Variants in FAM13A observed in about 807,000 individuals in gnomAD.
FAM13A encodes protein FAM13A.
Under a neutral mutation model 129.6 loss-of-function variants are expected in FAM13A, and 76 were observed. The observed-to-expected ratio is 0.59, with a 90% CI of 0.49 to 0.71. The LOEUF (loss-of-function observed/expected upper bound fraction) is 0.71, where lower values mean the gene tolerates loss of function less well. Ranked by LOEUF, FAM13A falls within the 30% of genes least tolerant of loss-of-function variation. The pLI, the probability that FAM13A is intolerant of heterozygous loss-of-function variation, is 0.00. For missense variants in FAM13A, 1,108 were observed against 1,249.3 expected (o/e 0.89, Z 1.70); for synonymous variants, 443 against 449.9 (o/e 0.98, Z 0.20).
chr4:88,840,271 A>G (rs1735596519), intron 7 of FAM13A, among the ~76,000 whole-genome samples: 1 of 152,226 alleles, frequency 6.6e-6, no homozygotes, highest in African/African-American at 2.4e-5. Context: ...TCTTAACAAG[A>G]ACACATTAAG....
chr4:88,874,774 G>A (rs1742081367), intron 6 of FAM13A, among the ~76,000 whole-genome samples: 1 of 152,124 alleles, frequency 6.6e-6, no homozygotes, highest in African/African-American at 2.4e-5. Context: ...TTTCTTCACA[G>A]AATTGGAAAA....
chr4:88,852,361 C>G (rs1039964121), intron 6 of FAM13A, among the ~76,000 whole-genome samples: 21 of 152,050 alleles, frequency 1.4e-4, no homozygotes, highest in South Asian at 4.2e-4. Flanking sequence ...GTGGTTTCAC[C>G]ATGTTGGCCT....
At chr4:88,994,318 T>C (rs1763274640) in intron 3 of FAM13A, among the ~76,000 whole-genome samples, 1 of 152,230 alleles carries the variant, frequency 6.6e-6, no homozygotes, top group African/African-American at 2.4e-5. Flanking sequence ...ACAGGTTAAT[T>C]ATGTATCTGC....
rs376221715 is a variant in FAM13A at position 89,007,518 on chromosome 4, A to C, written c.427+12942T>G. Among the ~76,000 whole-genome samples, 11 of 152,346 alleles carry C rather than the reference A, an allele frequency of 7.2e-5. No individual in the cohort carries two copies. In the East Asian group the frequency reaches 1.7e-3, roughly 24 times the overall value. ...TGTAGCCCCTGCCAACCTCTTGACC[A>C]CAACTTCCCGAGACCTTGAACCAGA... On this transcript the variant is annotated intron_variant, in intron 3 of 23. Coordinates refer to ENST00000264344, the MANE Select transcript of FAM13A (RefSeq NM_014883.4).
In FAM13A at chr4:88,945,990, G is replaced by GTGTGTGTGTGTGTATATATA; in HGVS notation, c.606-7750_606-7749insTATATATACACACACACACA. 4.2e-3 allele frequency among the ~76,000 whole-genome samples: 257 copies of GTGTGTGTGTGTGTATATATA among 61,658 alleles called. 2 individuals carry two copies. The highest frequency in any genetic ancestry group is 0.01 in the Middle Eastern group (1 of 98). The allele number at this position is 61,658 out of a possible 152,430, so 40.5% of individuals were successfully genotyped here. A position where few individuals can be genotyped will look rare whatever the true frequency, so the allele number is the denominator to read the frequency against. ...TGTGTGTGTGTGTGTGTGTGTGTGT[G>GTGTGTGTGTGTGTATATATA]TATATATATATATATATATATATAT... is the stretch of plus-strand genomic sequence containing the variant. On this transcript the variant is annotated intron_variant, in intron 4 of 23. Transcript: ENST00000264344.
At chr4:88,797,144 C>T (rs548063452) in intron 8 of FAM13A, among the ~76,000 whole-genome samples, 2 of 152,032 alleles carry the variant, frequency 1.3e-5, no homozygotes, top group East Asian at 3.9e-4. Flanking sequence ...AAATTTATCT[C>T]TCAATTAGCT....
intron 6 of FAM13A, among the ~76,000 whole-genome samples, chr4:88,870,147 G>A (rs1192471590): frequency 2.0e-5 from 3 of 151,732 alleles, no homozygotes; most frequent in Admixed American, 6.5e-5. Flanking sequence ...GAACAGCAAT[G>A]GGCATTCTAA....
chr4:88,888,607 C>T (rs893102530), intron 6 of FAM13A, among the ~76,000 whole-genome samples: 1 of 152,062 alleles, frequency 6.6e-6, no homozygotes, highest in Admixed American at 6.6e-5. Context: ...CCAGACTAAA[C>T]AAGCCTTTGT....
intron 1 of FAM13A, among the ~76,000 whole-genome samples, chr4:89,049,703 C>G (rs1484690162): frequency 6.6e-6 from 1 of 152,114 alleles, no homozygotes; most frequent in Non-Finnish European, 1.5e-5. Flanking sequence ...GTTGCCCAGG[C>G]TGGAGTGCAG....
At chr4:88,988,771 G>A (rs1052353810) in intron 4 of FAM13A, among the ~76,000 whole-genome samples, 3 of 151,952 alleles carry the variant, frequency 2.0e-5, no homozygotes, top group African/African-American at 7.2e-5. Context: ...CATTTGAGAA[G>A]AATAATAAAT....
At chr4:88,963,870 C>G (rs1758982012) in intron 4 of FAM13A, among the ~76,000 whole-genome samples, 1 of 152,086 alleles carries the variant, frequency 6.6e-6, no homozygotes, top group African/African-American at 2.4e-5. Flanking sequence ...ACTTAAGTAC[C>G]AGTGTAAACA....
intron 7 of FAM13A, among the ~76,000 whole-genome samples, chr4:88,826,306 T>C (rs1202775926): frequency 3.3e-5 from 3 of 92,066 alleles, no homozygotes; most frequent in Admixed American, 1.2e-4. Context: ...AACTGGCACG[T>C]AGGATTAAAA....
intron 6 of FAM13A, among the ~76,000 whole-genome samples, chr4:88,864,035 C>T (rs190733925): frequency 2.6e-5 from 4 of 152,098 alleles, no homozygotes; most frequent in South Asian, 2.1e-4. Context: ...GAATATATTG[C>T]GATAATAGAA....
At chr4:88,774,629 G>A (rs770149905) in intron 11 of FAM13A, among the ~76,000 whole-genome samples, 6 of 152,182 alleles carry the variant, frequency 3.9e-5, no homozygotes, top group African/African-American at 1.4e-4. Context: ...ACATGTTCTG[G>A]AGAGGAAAGT....
intron 5 of FAM13A, among the ~76,000 whole-genome samples, chr4:88,935,697 C>A (rs1273926563): frequency 6.6e-6 from 1 of 152,090 alleles, no homozygotes; most frequent in Non-Finnish European, 1.5e-5. Flanking sequence ...ATGATCTTTA[C>A]AATTTTCAAA....
At chr4:88,920,373 C>G (rs1750851768) in intron 5 of FAM13A, among the ~76,000 whole-genome samples, 1 of 152,208 alleles carries the variant, frequency 6.6e-6, no homozygotes, top group South Asian at 2.1e-4. Context: ...AACGATCAGA[C>G]AGCAGCATTC....
intron 6 of FAM13A, among the ~76,000 whole-genome samples, chr4:88,890,075 C>T (rs1173282919): frequency 2.0e-5 from 3 of 152,166 alleles, no homozygotes; most frequent in Non-Finnish European, 4.4e-5. Context: ...CAAAGGTAGA[C>T]TGGAGGTCAG....
intron 5 of FAM13A, among the ~76,000 whole-genome samples, chr4:88,915,527 C>T (rs1014739960): frequency 6.6e-6 from 1 of 152,144 alleles, no homozygotes; most frequent in Non-Finnish European, 1.5e-5. Flanking sequence ...GAATTATATA[C>T]CTTATGAAAC....
At chr4:89,016,046 G>C (rs1398939) in intron 3 of FAM13A, among the ~76,000 whole-genome samples, 15,939 of 152,040 alleles carry the variant, frequency 0.1, 907 homozygotes, top group African/African-American at 0.14. Context: ...AGAAGGCATT[G>C]CTATTGTAGG....
Sources: allele counts gnomAD v4.1 joint callset (sites outside exome capture counted in the v4.1 genomes callset), GRCh38; gene constraint gnomAD v4.1.1; transcripts MANE v1.5; gene names NCBI Gene and HGNC (gene_info 2026-07-23, HGNC 2026-07-21).